USH2A: variants seen among roughly 807,000 people sequenced by gnomAD.
USH2A encodes the protein Usher syndrome 2A (autosomal recessive, mild).
In USH2A, 443 loss-of-function variants were observed where a neutral mutation model predicts 538.9. The observed-to-expected ratio is 0.82, with a 90% CI of 0.76 to 0.89. The LOEUF (loss-of-function observed/expected upper bound fraction) is 0.89, where lower values mean the gene tolerates loss of function less well. Among genes scored for constraint, USH2A ranks in the 40% least tolerant of loss-of-function variants. The probability of loss-of-function intolerance (pLI) is 0.00; values close to 1 mark genes in which losing one functional copy is unlikely to be tolerated. For missense variants in USH2A, 6,633 were observed against 6,324.8 expected, an observed-to-expected ratio of 1.05 and a Z score of -1.65; for synonymous variants, 2,413 against 2,273.5, an observed-to-expected ratio of 1.06 and a Z score of -1.75.
At chr1:216,292,812 A>G (rs2037028379) in intron 9 of USH2A, among the ~76,000 whole-genome samples, 1 of 152,168 alleles carries the variant, frequency 6.6e-6, no homozygotes, top group South Asian at 2.1e-4. Context: ...AGACTTTGTA[A>G]AACTTCAACA....
In USH2A at chr1:216,250,961, A is replaced by G. The variant is rs45555435; in HGVS notation, c.2109T>C (p.Asp703=). ...PCNCNTSGTV[D]GDITCHQNSG... ...AATTTTGGTGACAGGTAATATCTCC[A>G]TCCACTGTCCCAGAGGTATTGCAGT... Residue 703 remains aspartate (D), a synonymous_variant, in exon 12 of 72, where the codon GAT becomes GAC. Coordinates refer to ENST00000307340, the MANE Select transcript of USH2A (RefSeq NM_206933.4). 0.017 allele frequency: 27,280 copies of G among 1,613,916 alleles called. 311 individuals are homozygous for G. Among genetic ancestry groups the G allele is most frequent in the Middle Eastern group, 0.028 (168 of 6,060 alleles).
At chr1:216,363,197 T>C (rs1392239848) in intron 4 of USH2A, among the ~76,000 whole-genome samples, 1 of 152,104 alleles carries the variant, frequency 6.6e-6, no homozygotes, top group Admixed American at 6.6e-5. Context: ...AAATATAGTT[T>C]ATATACAGGC....
chr1:216,375,779 C>G (rs12565225), intron 3 of USH2A, among the ~76,000 whole-genome samples: 2 of 152,130 alleles, frequency 1.3e-5, no homozygotes, highest in African/African-American at 2.4e-5. Context: ...TTACTCATTT[C>G]TAGCTTTTGA....
intron 21 of USH2A, among the ~76,000 whole-genome samples, chr1:216,102,988 AAAC>A (rs1223734138): frequency 5.3e-5 from 8 of 152,234 alleles, no homozygotes; most frequent in African/African-American, 1.7e-4. Context: ...TCAACTGTAC[AAAC>A]AACAGATATA....
intron 40 of USH2A, among the ~76,000 whole-genome samples, chr1:215,897,244 G>A (rs1665371228): frequency 6.6e-6 from 1 of 152,102 alleles, no homozygotes; most frequent in African/African-American, 2.4e-5. Flanking sequence ...TAAAAATATT[G>A]CCATTGGTGA....
At chr1:216,321,827 T>C in intron 9 of USH2A, 56 bp downstream of exon 9, 1 of 1,442,574 alleles carries the variant, frequency 6.9e-7, no homozygotes, top group African/African-American at 1.4e-5. Context: ...ATAGAATTTA[T>C]AGTCACCATC....
At chr1:216,081,426 G>C (rs1224407827) in intron 26 of USH2A, among the ~76,000 whole-genome samples, 2 of 152,172 alleles carry the variant, frequency 1.3e-5, no homozygotes, top group African/African-American at 4.8e-5. Flanking sequence ...CAGTATAATA[G>C]AAAGAGTTGT....
At chr1:215,806,795 A>G (rs1662516128) in intron 49 of USH2A, among the ~76,000 whole-genome samples, 1 of 152,048 alleles carries the variant, frequency 6.6e-6, no homozygotes, top group Non-Finnish European at 1.5e-5. Context: ...CCCAACCCTA[A>G]TATCATCCTA....
At chr1:215,646,525 T>G (rs1656857183) in intron 67 of USH2A, among the ~76,000 whole-genome samples, 1 of 152,048 alleles carries the variant, frequency 6.6e-6, no homozygotes, top group South Asian at 2.1e-4. Context: ...TACCATCTCT[T>G]ACATTTTTTG....
chr1:215,725,242 T>C (rs953393693), intron 61 of USH2A, among the ~76,000 whole-genome samples: 2 of 152,164 alleles, frequency 1.3e-5, no homozygotes, highest in Admixed American at 1.3e-4. Flanking sequence ...ACTCCTGACC[T>C]TGTGATCTGC....
chr1:216,019,522 C>T (rs1423244354), intron 32 of USH2A, among the ~76,000 whole-genome samples: 1 of 152,084 alleles, frequency 6.6e-6, no homozygotes, highest in Non-Finnish European at 1.5e-5. Context: ...AAAATAGTTG[C>T]CCTCATTGGA....
At chr1:215,722,065 T>C (rs909791023) in intron 61 of USH2A, among the ~76,000 whole-genome samples, 1 of 59,168 alleles carries the variant, frequency 1.7e-5, no homozygotes, top group Non-Finnish European at 4.7e-5. Flanking sequence ...ACCCTGTCTC[T>C]TTAAAAAAAA....
chr1:215,695,418 G>C (rs550381564), intron 61 of USH2A, among the ~76,000 whole-genome samples: 1 of 151,976 alleles, frequency 6.6e-6, no homozygotes, highest in South Asian at 2.1e-4. Flanking sequence ...AAGGTCCACA[G>C]AATCTAAAAA....
At chr1:216,369,328 C>T (rs889543503) in intron 3 of USH2A, among the ~76,000 whole-genome samples, 2 of 152,058 alleles carry the variant, frequency 1.3e-5, no homozygotes, top group Non-Finnish European at 2.9e-5. Flanking sequence ...CCACACATCC[C>T]ATCCTATTGC....
intron 36 of USH2A, among the ~76,000 whole-genome samples, chr1:215,966,950 A>C (rs1166987880): frequency 1.3e-5 from 2 of 152,166 alleles, no homozygotes; most frequent in Non-Finnish European, 2.9e-5. Flanking sequence ...AGTTTTTACT[A>C]TACATTGAAT....
chr1:215,824,862 G>A (rs990110895), intron 47 of USH2A, among the ~76,000 whole-genome samples: 4 of 152,128 alleles, frequency 2.6e-5, no homozygotes, highest in Non-Finnish European at 5.9e-5. Context: ...GGGGAGATGG[G>A]CATTGTGGAT....
intron 44 of USH2A, among the ~76,000 whole-genome samples, chr1:215,866,306 CTG>C (rs1049061302): frequency 1.3e-5 from 2 of 152,162 alleles, no homozygotes; most frequent in African/African-American, 4.8e-5. Context: ...GACCAAGTAA[CTG>C]TGAAATTTCA....
chr1:216,395,399 T>C (rs2039193937), intron 3 of USH2A, among the ~76,000 whole-genome samples: 2 of 152,196 alleles, frequency 1.3e-5, no homozygotes, highest in Admixed American at 6.5e-5. Context: ...TTAAAAACAA[T>C]GTCACCAATT....
chr1:215,953,294 C>T (rs1173092475), intron 37 of USH2A, among the ~76,000 whole-genome samples: 12 of 152,268 alleles, frequency 7.9e-5, no homozygotes, highest in Non-Finnish European at 1.5e-4. Flanking sequence ...CTGGAGGCAT[C>T]ACGCTACCTG....
Sources: allele counts gnomAD v4.1 joint callset (sites outside exome capture counted in the v4.1 genomes callset), GRCh38; gene constraint gnomAD v4.1.1; transcripts MANE v1.5; gene names NCBI Gene and HGNC (gene_info 2026-07-23, HGNC 2026-07-21).